The following DAB2IP variants were observed in gnomAD, a reference collection of about 807,000 sequenced individuals.
The protein encoded by DAB2IP is DAB2 interacting protein.
A neutral mutation model predicts 107.2 loss-of-function variants in DAB2IP; 28 were observed. That is an observed-to-expected ratio of 0.26 (90% CI 0.19 to 0.36). The LOEUF is 0.36. DAB2IP is among the 10% of genes least tolerant of loss of function. The probability of loss-of-function intolerance (pLI) is 1.00; values close to 1 mark genes in which losing one functional copy is unlikely to be tolerated. For synonymous variants in DAB2IP, 755 were observed against 706.4 expected, an observed-to-expected ratio of 1.07 and a Z score of -1.09; for missense variants, 1,400 against 1,644.7, an observed-to-expected ratio of 0.85 and a Z score of 2.57.
chr9:121,669,374 A>C (rs963238962), intron 1 of DAB2IP, among the ~76,000 whole-genome samples: 2 of 152,180 alleles, frequency 1.3e-5, no homozygotes, highest in Non-Finnish European at 2.9e-5. Flanking sequence ...GTTGCCCTCT[A>C]GCCAAAGACC....
At chr9:121,657,936 C>T (rs1427622771) in intron 1 of DAB2IP, among the ~76,000 whole-genome samples, 1 of 152,168 alleles carries the variant, frequency 6.6e-6, no homozygotes, top group Non-Finnish European at 1.5e-5. Flanking sequence ...GAGCCAAGGC[C>T]ACTTGCCCGT....
chr9:121,770,435 C>T (rs1834631377), intron 10 of DAB2IP, 111 bp from the exon 11 acceptor site: 2 of 1,238,150 alleles, frequency 1.6e-6, no homozygotes, highest in Middle Eastern at 2.4e-4. Context: ...AGGTGGGGAT[C>T]TGCACTTCTG....
intron 1 of DAB2IP, among the ~76,000 whole-genome samples, chr9:121,645,092 G>A (rs1002257644): frequency 1.3e-5 from 2 of 152,248 alleles, no homozygotes; most frequent in Non-Finnish European, 2.9e-5. Flanking sequence ...CTTACTGAAG[G>A]GGGAGGAAGA....
At position 121,698,712 on chromosome 9, in the gene DAB2IP, G is replaced by A. The variant is rs1203446755; in HGVS notation, c.229-613G>A. 1.3e-5 allele frequency among the ~76,000 whole-genome samples: 2 copies of A among 152,232 alleles called. No homozygotes were observed. Among genetic ancestry groups the A allele is most frequent in the Admixed American group, 6.5e-5 (1 of 15,292 alleles). On this transcript the variant is annotated intron_variant, in intron 2 of 15. Coordinates refer to ENST00000408936, the Ensembl canonical transcript of DAB2IP. The surrounding 1 kb of genome is among the most constrained non-coding windows in gnomAD (Gnocchi z 4.1). ...GTCGCCCGGAATCGGGGTCTAAGTG[G>A]CCAGGGCACTGCCAGGCGCAGGCCA...
intron 3 of DAB2IP, among the ~76,000 whole-genome samples, chr9:121,754,367 C>G (rs1481661472): frequency 1.3e-5 from 2 of 152,216 alleles, no homozygotes; most frequent in Non-Finnish European, 2.9e-5. Context: ...CCACCACCCA[C>G]CCGCTTGCTG....
intron 1 of DAB2IP, among the ~76,000 whole-genome samples, chr9:121,620,943 A>G (rs1451591510): frequency 6.6e-6 from 1 of 152,214 alleles, no homozygotes; most frequent in Non-Finnish European, 1.5e-5. Flanking sequence ...CCAATCCAAC[A>G]TGAAAGGCCC....
At chr9:121,676,425 A>T (rs1235546810) in intron 1 of DAB2IP, among the ~76,000 whole-genome samples, 1 of 152,090 alleles carries the variant, frequency 6.6e-6, no homozygotes, top group South Asian at 2.1e-4. Flanking sequence ...CATGAATATA[A>T]ACATGCACAT....
intron 1 of DAB2IP, among the ~76,000 whole-genome samples, chr9:121,608,180 A>G (rs1830950459): frequency 1.3e-5 from 2 of 152,214 alleles, no homozygotes; most frequent in South Asian, 2.1e-4. Flanking sequence ...CTATGGCTCC[A>G]TTATCTCACT....
intron 1 of DAB2IP, among the ~76,000 whole-genome samples, chr9:121,622,918 A>G (rs1405277447): frequency 6.6e-6 from 1 of 152,010 alleles, no homozygotes; most frequent in Admixed American, 6.6e-5. Context: ...GCTTTGACTT[A>G]CTTTGATTCC....
intron 1 of DAB2IP, among the ~76,000 whole-genome samples, chr9:121,612,041 C>A (rs1249903924): frequency 6.6e-6 from 1 of 152,112 alleles, no homozygotes; most frequent in Non-Finnish European, 1.5e-5. Flanking sequence ...GATCCTCTGG[C>A]CATACCCCTT....
intron 2 of DAB2IP, among the ~76,000 whole-genome samples, chr9:121,696,668 T>C (rs1210989864): frequency 3.3e-5 from 5 of 152,218 alleles, no homozygotes; most frequent in African/African-American, 9.6e-5. Flanking sequence ...TTTGTGATCT[T>C]GGGGAAGGGC....
At chr9:121,621,852 A>G (rs1831479056) in intron 1 of DAB2IP, among the ~76,000 whole-genome samples, 1 of 148,070 alleles carries the variant, frequency 6.8e-6, no homozygotes, top group Non-Finnish European at 1.5e-5. Flanking sequence ...ATGGGGTTTC[A>G]CCATATTGGC....
chr9:121,737,264 C>CCTGGA, intron 3 of DAB2IP: 1 of 985,418 alleles, frequency 1.0e-6, no homozygotes, highest in Non-Finnish European at 1.2e-6. Flanking sequence ...GAGTGTTTCT[C>CCTGGA]GTCTTCTTGG....
rs143465319 is a variant in DAB2IP at position 121,736,948 on chromosome 9, C to G, written c.363-20065C>G. ...TGGAGAAAATGAAGCAGGGTGATAACTTGGGAGGTGGGAGTTGCCCCTTTA... is the reference window on the plus strand; with the variant it reads ...TGGAGAAAATGAAGCAGGGTGATAAGTTGGGAGGTGGGAGTTGCCCCTTTA... On this transcript the variant is annotated intron_variant, in intron 3 of 15. Transcript: ENST00000408936. This position sits in a 1 kb window ranked among gnomAD's most constrained non-coding sequence, Gnocchi z 4.6. Among the ~76,000 whole-genome samples the G allele has an allele frequency of 9.3e-4, 142 of 152,280 alleles. No individual in the cohort carries two copies. Among genetic ancestry groups the G allele is most frequent in the Non-Finnish European group, 1.6e-3 (107 of 68,036 alleles).
chr9:121,632,444 C>T (rs138257082), intron 1 of DAB2IP, among the ~76,000 whole-genome samples: 59 of 152,222 alleles, frequency 3.9e-4, no homozygotes, highest in African/African-American at 1.2e-3. Context: ...GACCAAAGCC[C>T]GGGTCTCTGC....
chr9:121,586,306 A>G (rs998118772), intron 1 of DAB2IP, among the ~76,000 whole-genome samples: 3 of 152,242 alleles, frequency 2.0e-5, no homozygotes, highest in Non-Finnish European at 4.4e-5. Context: ...TGAGACAAAT[A>G]ACTGTGCGAA....
chr9:121,692,994 C>A (rs1829237679), intron 2 of DAB2IP, among the ~76,000 whole-genome samples: 1 of 152,204 alleles, frequency 6.6e-6, no homozygotes, highest in African/African-American at 2.4e-5. Context: ...GCTGCTCTGA[C>A]TTTATAGAAT....
At chr9:121,713,194 A>G (rs764208151) in intron 3 of DAB2IP, among the ~76,000 whole-genome samples, 8 of 152,152 alleles carry the variant, frequency 5.3e-5, no homozygotes, top group Non-Finnish European at 1.0e-4. Context: ...CCAGGGGCAC[A>G]TAGAGTTGAT....
At chr9:121,753,721 C>T (rs1388332113) in intron 3 of DAB2IP, among the ~76,000 whole-genome samples, 5 of 152,168 alleles carry the variant, frequency 3.3e-5, no homozygotes, top group African/African-American at 4.8e-5. Flanking sequence ...ACCAGCTGGG[C>T]GCTCACCTTG....
Sources: allele counts gnomAD v4.1 joint callset (sites outside exome capture counted in the v4.1 genomes callset), GRCh38; gene constraint gnomAD v4.1.1; non-coding constraint Gnocchi (gnomAD v3.1); transcripts MANE v1.5; gene names NCBI Gene and HGNC (gene_info 2026-07-23, HGNC 2026-07-21).